Variants in ROPN1B observed in about 807,000 individuals in gnomAD.
The protein encoded by ROPN1B is ropporin-1B.
Under a neutral mutation model 23.7 loss-of-function variants are expected in ROPN1B, and 13 were observed. The ratio of observed to expected loss-of-function variants is 0.55; its 90% CI spans 0.36 to 0.87. The LOEUF (loss-of-function observed/expected upper bound fraction) is 0.87. Among genes scored for constraint, ROPN1B ranks in the 40% least tolerant of loss-of-function variants. The pLI is 0.01. For missense variants in ROPN1B, 183 were observed against 249.2 expected (o/e 0.73, Z 1.79); for synonymous variants, 67 against 100.4 (o/e 0.67, Z 1.99).
At position 125,975,813 on chromosome 3, in the gene ROPN1B, G is replaced by A. The variant is rs1938390178; in HGVS notation, c.234+133G>A. 20 of 716,652 alleles carry A rather than the reference G, an allele frequency of 2.8e-5. No homozygotes were observed. In the South Asian group the frequency reaches 6.5e-4, roughly 23 times the overall value. 44.4% of individuals were successfully genotyped at this position (716,652 alleles called of 1,614,324 possible). On this transcript the variant is annotated intron_variant, in intron 4 of 6. Transcript: ENST00000514116. ...CCACCCTAAAATACACTAAACCGTG[G>A]ACTGAAAGTAAATCTTCCCTTGGGG...
rs768610139 is a variant in ROPN1B at position 125,975,618 on chromosome 3, C to T, written c.172C>T (p.Arg58Ter). 1.3e-5 allele frequency: 21 copies of T among 1,613,958 alleles called. No homozygotes were observed. Among genetic ancestry groups the T allele is most frequent in the South Asian group, 4.4e-5 (4 of 91,060 alleles). ...GCCTCCGGTGAGAGAGCGGTCTGAG[C>T]GAGTCGCTTTGTGTAACTGGGCAGA... ...ETPPVRERSE[R>*]VALCNWAELT... is the part of the protein sequence containing the mutation. Residue 58 changes from arginine (R) to a stop codon, truncating the protein, a stop_gained, in exon 4 of 7, where the codon CGA becomes TGA. Transcript: ENST00000514116. LOFTEE classifies it high-confidence loss of function.
At chr3:125,978,150 C>T (rs1464601131) in intron 5 of ROPN1B, among the ~76,000 whole-genome samples, 3 of 152,056 alleles carry the variant, frequency 2.0e-5, no homozygotes, top group African/African-American at 7.2e-5. Context: ...CTTCATTGTC[C>T]TTTATAGCAT....
chr3:125,976,091 T>C (rs1161605804), intron 4 of ROPN1B, among the ~76,000 whole-genome samples: 3 of 152,230 alleles, frequency 2.0e-5, no homozygotes, highest in African/African-American at 4.8e-5. Context: ...TTTTAGCTTT[T>C]AGGGAGAGGC....
intron 5 of ROPN1B, among the ~76,000 whole-genome samples, chr3:125,979,259 A>T (rs1215921108): frequency 6.7e-6 from 1 of 150,260 alleles, no homozygotes; most frequent in Non-Finnish European, 1.5e-5. Context: ...TCCAGTAATC[A>T]ATACCCTTAT....
chr3:125,975,209 A>G (rs1357389690), intron 3 of ROPN1B, among the ~76,000 whole-genome samples: 7 of 152,164 alleles, frequency 4.6e-5, no homozygotes, highest in South Asian at 2.1e-4. Flanking sequence ...AAGATTATAT[A>G]TACACATGTA....
chr3:125,972,450 G>A (rs1320067503), intron 3 of ROPN1B: 2 of 521,364 alleles, frequency 3.8e-6, no homozygotes, highest in Non-Finnish European at 6.8e-6. Flanking sequence ...AGATGACCGC[G>A]TCACACCAGC....
Position 125,982,414 on chromosome 3 carries a change from A to G in ROPN1B, c.541A>G (p.Ser181Gly), listed in dbSNP as rs748531489. ...TGGGGAGATCTGTGCATCACATGTCAGCAGGATGCTAAACTACATTGAACA... is the reference window on the plus strand; with the variant it reads ...TGGGGAGATCTGTGCATCACATGTCGGCAGGATGCTAAACTACATTGAACA... ...VDGEICASHVSRMLNYIEQEV... is the reference protein window; with the variant it reads ...VDGEICASHVGRMLNYIEQEV... The change falls in exon 6 of 7, where the codon AGC becomes GGC. Residue 181 changes from serine (S) to glycine (G), a missense_variant. Ser to Gly is a moderately conservative substitution (Grantham distance 56). Transcript: ENST00000514116. 3 of 1,607,742 alleles carry G rather than the reference A, an allele frequency of 1.9e-6. No homozygotes were observed. Among genetic ancestry groups the G allele is most frequent in the Non-Finnish European group, 2.5e-6 (3 of 1,178,576 alleles).
chr3:125,977,612 A>T (rs1287567099), intron 5 of ROPN1B: 1 of 193,438 alleles, frequency 5.2e-6, no homozygotes, highest in African/African-American at 2.4e-5. Context: ...CAGACATAAG[A>T]AAGCAAAAAC....
chr3:125,973,110 G>C (rs891599293), intron 3 of ROPN1B: 1 of 346,850 alleles, frequency 2.9e-6, no homozygotes, highest in Non-Finnish European at 5.7e-6. Context: ...ATGATTCCCT[G>C]CTTAGGAGGG....
chr3:125,975,579 T>C lies in ROPN1B; in HGVS notation c.133T>C (p.Ser45Pro), dbSNP rs187992194. The C allele has an allele frequency of 6.1e-4, 985 of 1,613,660 alleles. 12 individuals carry two copies. In the East Asian group the frequency reaches 0.02, roughly 33 times the overall value. The change falls in exon 4 of 7, where the codon TCC becomes CCC. Residue 45 changes from serine (S) to proline (P), a missense_variant. Physicochemically the swap from Ser to Pro is moderately conservative, Grantham distance 74 (BLOSUM62 -1). This residue lies in a region of ROPN1B where 97 missense variants were observed against 99.6 expected (regional missense o/e 0.97). Transcript: ENST00000514116. ...QWGADYFEAL[S>P]RGETPPVRER... is the part of the protein sequence containing the mutation. ...TTCTTGTAGTTATTTTGAGGCCCTG[T>C]CCCGTGGAGAGACGCCTCCGGTGAG...
chr3:125,975,164 C>T (rs1431020350), intron 3 of ROPN1B, among the ~76,000 whole-genome samples: 1 of 152,162 alleles, frequency 6.6e-6, no homozygotes, highest in African/African-American at 2.4e-5. Flanking sequence ...TTCTTACGTA[C>T]ATTACTTTTT....
intron 5 of ROPN1B, among the ~76,000 whole-genome samples, chr3:125,978,636 C>T (rs1446575152): frequency 2.6e-5 from 4 of 152,168 alleles, no homozygotes; most frequent in Non-Finnish European, 4.4e-5. Context: ...TCTGTCTGGT[C>T]GCTAGCTGCT....
chr3:125,976,423 C>T (rs915023127), intron 4 of ROPN1B, among the ~76,000 whole-genome samples: 6 of 152,194 alleles, frequency 3.9e-5, no homozygotes, highest in Non-Finnish European at 7.3e-5. Context: ...GTCCACCAAG[C>T]ACCTTGTGCA....
chr3:125,981,561 CATGAG>C (rs1031940560), intron 5 of ROPN1B, among the ~76,000 whole-genome samples: 1 of 152,284 alleles, frequency 6.6e-6, no homozygotes, highest in South Asian at 2.1e-4. Context: ...TATTTAAAGA[CATGAG>C]ATGAGTTCTG....
intron 5 of ROPN1B, among the ~76,000 whole-genome samples, chr3:125,979,437 G>C (rs1042505383): frequency 3.6e-4 from 55 of 152,142 alleles, no homozygotes; most frequent in African/African-American, 1.3e-3. Flanking sequence ...CATGAGGGTG[G>C]AGCCCTCATG....
chr3:125,981,721 C>A (rs1938617261), intron 5 of ROPN1B, among the ~76,000 whole-genome samples: 6 of 152,112 alleles, frequency 3.9e-5, no homozygotes, highest in Admixed American at 3.9e-4. Flanking sequence ...AAATAAAGCA[C>A]TAGGTGATTC....
At position 125,976,022 on chromosome 3, in the gene ROPN1B, A is replaced by G. The variant is rs192600001; in HGVS notation, c.234+342A>G. On this transcript the variant is annotated intron_variant, in intron 4 of 6. Coordinates refer to ENST00000514116, the MANE Select transcript of ROPN1B (RefSeq NM_001308313.2). ...TGATCAAGACCATAATATGATGCCA[A>G]TCACAGTTTGGGGAAGGGCATATTT... Among the ~76,000 whole-genome samples the G allele has an allele frequency of 1.7e-4, 26 of 152,322 alleles. 1 individual carries two copies. In the East Asian group the frequency reaches 3.1e-3, roughly 18 times the overall value.
chr3:125,981,336 G>T (rs1938605580), intron 5 of ROPN1B, among the ~76,000 whole-genome samples: 1 of 152,136 alleles, frequency 6.6e-6, no homozygotes, highest in South Asian at 2.1e-4. Flanking sequence ...CAACTGCTAA[G>T]GCAGGACAAG....
At chr3:125,978,666 C>T (rs1938507760) in intron 5 of ROPN1B, among the ~76,000 whole-genome samples, 1 of 152,164 alleles carries the variant, frequency 6.6e-6, no homozygotes, top group Non-Finnish European at 1.5e-5. Context: ...AGTTTTTGGT[C>T]TCGTCTCTCC....
Sources: gnomAD v4.1 joint callset for allele counts (sites outside exome capture counted in the v4.1 genomes callset) on GRCh38, gnomAD v4.1.1 for gene constraint, gnomAD v4.1.1 regional missense constraint, MANE v1.5 for transcripts, NCBI Gene and HGNC (gene_info 2026-07-23, HGNC 2026-07-21) for gene names.